Variants in ALDH9A1 observed in about 807,000 individuals in gnomAD.
ALDH9A1 encodes the protein aldehyde dehydrogenase 9 family member A1.
Under a neutral mutation model 56.6 loss-of-function variants are expected in ALDH9A1, and 42 were observed. That is an observed-to-expected ratio of 0.74 (90% confidence interval 0.58 to 0.96). ALDH9A1 has a LOEUF of 0.96. ALDH9A1 is among the 40% of genes least tolerant of loss of function. The pLI is 0.00. For synonymous variants in ALDH9A1, 242 were observed against 236.0 expected (o/e 1.03, Z -0.23); for missense variants, 661 against 651.5 (o/e 1.01, Z -0.16).
intron 2 of ALDH9A1, among the ~76,000 whole-genome samples, chr1:165,694,298 A>T (rs1014285484): frequency 6.6e-6 from 1 of 151,980 alleles, no homozygotes; most frequent in Non-Finnish European, 1.5e-5. Context: ...ATTCTGGGAA[A>T]CAAAAGAAAC....
chr1:165,683,023 G>T lies in ALDH9A1; in HGVS notation c.415C>A (p.Gln139Lys), dbSNP rs777041191. 6.2e-7 allele frequency: 1 copy of T among 1,613,936 alleles called. No individual in the cohort carries two copies. The highest frequency in any genetic ancestry group is 2.2e-5 in the East Asian group (1 of 44,884). The change falls in exon 3 of 11, where the codon CAG becomes AAG. Residue 139 changes from glutamine (Q) to lysine (K), a missense_variant. Gln to Lys is a moderately conservative substitution (Grantham distance 53). Coordinates refer to ENST00000354775, the MANE Select transcript of ALDH9A1 (RefSeq NM_000696.4). ...AAGCCCGCATAATACTCCAGGCACT[G>T]CCAGGAAATGTCAATGTCCAAGCGG... ...EARLDIDISW[Q>K]CLEYYAGLAA... is the part of the protein sequence containing the mutation.
At chr1:165,670,435 T>C (rs1649141208) in intron 6 of ALDH9A1, among the ~76,000 whole-genome samples, 1 of 151,764 alleles carries the variant, frequency 6.6e-6, no homozygotes, top group South Asian at 2.1e-4. Flanking sequence ...AGACTTTTTT[T>C]TTTTTAAAAA....
Position 165,662,679 on chromosome 1 carries a change from G to C in ALDH9A1, c.*371C>G. 1 of 176,908 alleles carries C rather than the reference G, an allele frequency of 5.7e-6. No individual in the cohort carries two copies. Among genetic ancestry groups the C allele is most frequent in the Non-Finnish European group, 1.2e-5 (1 of 83,496 alleles). The allele number at this position is 176,908 out of a possible 1,614,324, so 11.0% of individuals were successfully genotyped here. ...ATTAGTTGTAAATACCACTGCACTT[G>C]GATCAGCCAGGAACAAGTTCTTTGA... is the stretch of plus-strand genomic sequence containing the variant. On this transcript the variant is annotated 3_prime_UTR_variant, in exon 11 of 11. Coordinates refer to ENST00000354775, the MANE Select transcript of ALDH9A1 (RefSeq NM_000696.4).
chr1:165,680,480 T>C lies in ALDH9A1; in HGVS notation c.789+7A>G, dbSNP rs201526858. ...TGTGTGTTGACCAATACTGGTTTTG[T>C]CCTCACCTTCATGCCAGTGGGCACA... On this transcript the variant is annotated splice_region_variant and intron_variant, in intron 5 of 10. Transcript: ENST00000354775. The C allele has an allele frequency of 2.9e-5, 46 of 1,613,598 alleles. No individual in the cohort carries two copies. The highest frequency in any genetic ancestry group is 1.7e-4 in the Middle Eastern group (1 of 5,970).
chr1:165,669,179 T>C, intron 7 of ALDH9A1, 83 bp downstream of exon 7: 1 of 1,418,532 alleles, frequency 7.0e-7, no homozygotes, highest in South Asian at 1.4e-5. Context: ...CATACGAATA[T>C]TAACATGAAA....
intron 6 of ALDH9A1, among the ~76,000 whole-genome samples, chr1:165,678,918 T>C (rs1414711663): frequency 6.6e-6 from 1 of 152,134 alleles, no homozygotes; most frequent in Non-Finnish European, 1.5e-5. Flanking sequence ...CTAAAGGAGA[T>C]TAAAGACAAG....
intron 2 of ALDH9A1, 108 bp downstream of exon 2, chr1:165,695,144 T>C: frequency 7.8e-7 from 1 of 1,287,802 alleles, no homozygotes; most frequent in Non-Finnish European, 1.0e-6. Flanking sequence ...GTTTTTCCAT[T>C]TTATAAAAAC....
intron 2 of ALDH9A1, among the ~76,000 whole-genome samples, chr1:165,688,645 C>T (rs1030463263): frequency 6.6e-6 from 1 of 151,966 alleles, no homozygotes; most frequent in Admixed American, 6.6e-5. Flanking sequence ...GAGGTTGAGG[C>T]TGTAGTGAGC....
At chr1:165,679,680 T>C (rs1439365151) in intron 5 of ALDH9A1, 98 bp from the exon 6 acceptor site, 19 of 1,284,218 alleles carry the variant, frequency 1.5e-5, no homozygotes, top group Non-Finnish European at 2.0e-5. Context: ...CTTGAACTGT[T>C]TGTGACCTGT....
chr1:165,694,971 T>A (rs200623263), intron 2 of ALDH9A1, among the ~76,000 whole-genome samples: 2,363 of 143,890 alleles, frequency 0.016, 121 homozygotes, highest in East Asian at 0.15. Context: ...AAAAAAAAAA[T>A]AAAAATAAAA....
chr1:165,689,985 G>A (rs544464850), intron 2 of ALDH9A1, among the ~76,000 whole-genome samples: 1 of 148,106 alleles, frequency 6.8e-6, no homozygotes, highest in African/African-American at 2.5e-5. Context: ...GTATTGCTAT[G>A]GCTGCTGCAT....
intron 6 of ALDH9A1, among the ~76,000 whole-genome samples, chr1:165,677,056 A>G (rs1649385293): frequency 6.6e-6 from 1 of 152,176 alleles, no homozygotes; most frequent in Non-Finnish European, 1.5e-5. Flanking sequence ...AGTCCTTCTA[A>G]ATCATAAAAA....
chr1:165,665,306 T>A lies in ALDH9A1; in HGVS notation c.1350-176A>T, dbSNP rs950644446. On this transcript the variant is annotated intron_variant, in intron 9 of 10. Transcript: ENST00000354775. The stretch of plus-strand genomic sequence containing the variant: ...AACAGATATGGATTGGGTTTTATAG[T>A]CCCATGCACATGGTATCTTTAAAAT... 20 of 576,970 alleles carry A rather than the reference T, an allele frequency of 3.5e-5. No individual in the cohort carries two copies. The East Asian group carries it at 5.4e-4, about 16-fold the overall frequency. The allele number at this position is 576,970 out of a possible 1,614,324, so 35.7% of individuals were successfully genotyped here. A position where few individuals can be genotyped will look rare whatever the true frequency, so the allele number is the denominator to read the frequency against.
At chr1:165,683,133 G>C in intron 2 of ALDH9A1, 23 bp from the exon 3 acceptor site, 1 of 1,611,814 alleles carries the variant, frequency 6.2e-7, no homozygotes, top group South Asian at 1.1e-5. Context: ...CAGAAGACTA[G>C]ATTTAAGACA....
chr1:165,673,574 G>C (rs1361904039), intron 6 of ALDH9A1, among the ~76,000 whole-genome samples: 4 of 152,090 alleles, frequency 2.6e-5, no homozygotes, highest in Non-Finnish European at 1.5e-5. Flanking sequence ...CGACCCAAAA[G>C]AAATAGACTG....
intron 6 of ALDH9A1, among the ~76,000 whole-genome samples, chr1:165,676,108 A>G (rs1649347502): frequency 6.6e-6 from 1 of 152,178 alleles, no homozygotes; most frequent in Non-Finnish European, 1.5e-5. Context: ...ATGTAGACAG[A>G]CAGATACAGA....
At chr1:165,663,235 G>T in intron 10 of ALDH9A1, 91 bp from the exon 11 acceptor site, 1 of 1,046,424 alleles carries the variant, frequency 9.6e-7, no homozygotes, top group Non-Finnish European at 1.5e-6. Flanking sequence ...GCTAATCAGG[G>T]CTAGGGAAGA....
At chr1:165,689,598 C>T (rs1427776405) in intron 2 of ALDH9A1, among the ~76,000 whole-genome samples, 2 of 152,186 alleles carry the variant, frequency 1.3e-5, no homozygotes, top group Admixed American at 6.6e-5. Context: ...ACCTGGTTCT[C>T]ATCCCATCCC....
rs1374980870 is a variant in ALDH9A1 at position 165,680,695 on chromosome 1, C to T, written c.593-12G>A. On this transcript the variant is annotated splice_polypyrimidine_tract_variant and intron_variant, in intron 4 of 10. Transcript: ENST00000354775. ...GACCATGGCATTACCTGCATAAACCCAAGACACAAACATAAAAAGACTTTC... is the reference window on the plus strand; with the variant it reads ...GACCATGGCATTACCTGCATAAACCTAAGACACAAACATAAAAAGACTTTC... 28 of 1,585,468 alleles carry T rather than the reference C, an allele frequency of 1.8e-5. No homozygotes were observed. The highest frequency in any genetic ancestry group is 2.3e-5 in the South Asian group (2 of 87,174).
Sources: gnomAD v4.1 joint callset for allele counts (sites outside exome capture counted in the v4.1 genomes callset) on GRCh38, gnomAD v4.1.1 for gene constraint, MANE v1.5 for transcripts, NCBI Gene and HGNC (gene_info 2026-07-23, HGNC 2026-07-21) for gene names.